The following SYT9 variants were observed in gnomAD, a reference collection of about 807,000 sequenced individuals.
SYT9 encodes synaptotagmin 9.
A neutral mutation model predicts 48.4 loss-of-function variants in SYT9; 22 were observed. The observed-to-expected ratio is 0.45, with a 90% CI of 0.32 to 0.65. The LOEUF (loss-of-function observed/expected upper bound fraction) is 0.65. Ranked by LOEUF, SYT9 falls within the 30% of genes least tolerant of loss-of-function variation. The probability of loss-of-function intolerance (pLI) is 0.03; values close to 1 mark genes in which losing one functional copy is unlikely to be tolerated. For missense variants in SYT9, 577 were observed against 622.0 expected (o/e 0.93, Z 0.77); for synonymous variants, 265 against 245.0 (o/e 1.08, Z -0.76).
At chr11:7,448,651 A>G (rs1395867704) in intron 6 of SYT9, among the ~76,000 whole-genome samples, 1 of 152,270 alleles carries the variant, frequency 6.6e-6, no homozygotes, top group Non-Finnish European at 1.5e-5. Flanking sequence ...TCTGTTTTCC[A>G]GACATACTGA....
At chr11:7,369,595 G>A (rs1409000088) in intron 3 of SYT9, among the ~76,000 whole-genome samples, 1 of 151,850 alleles carries the variant, frequency 6.6e-6, no homozygotes, top group Non-Finnish European at 1.5e-5. Flanking sequence ...TTTCTTCTGG[G>A]GTTTTTATGG....
chr11:7,391,735 T>TAA (rs71059104), intron 3 of SYT9, among the ~76,000 whole-genome samples: 880 of 35,928 alleles, frequency 0.024, 52 homozygotes, highest in East Asian at 0.066. Flanking sequence ...ACCCCATCTC[T>TAA]AAAAAAAAAA....
At chr11:7,380,176 G>T (rs747014606) in intron 3 of SYT9, among the ~76,000 whole-genome samples, 77 of 152,074 alleles carry the variant, frequency 5.1e-4, no homozygotes, top group Non-Finnish European at 1.5e-4. Flanking sequence ...TATGTTCAGT[G>T]AATTAAGCCA....
chr11:7,381,467 A>G (rs1171400543), intron 3 of SYT9, among the ~76,000 whole-genome samples: 1 of 152,210 alleles, frequency 6.6e-6, no homozygotes, highest in African/African-American at 2.4e-5. Context: ...GTCCTTGGCC[A>G]CTGCCCTGTG....
In SYT9 at chr11:7,313,785, T is replaced by C. The variant is rs1428626618; in HGVS notation, c.888T>C (p.Asn296=). 1 of 1,614,098 alleles carries C rather than the reference T, an allele frequency of 6.2e-7. No individual in the cohort carries two copies. The highest frequency in any genetic ancestry group is 2.2e-5 in the East Asian group (1 of 44,900). Residue 296 remains asparagine, a synonymous_variant, in exon 3 of 7, where the codon AAT becomes AAC. Coordinates refer to ENST00000318881, the MANE Select transcript of SYT9 (RefSeq NM_175733.4). ...TGTTTTTATTTCCGGTTCCCTACAA[T>C]GACCTTGAAGCACGGAAGCTTCACT... is the stretch of plus-strand genomic sequence containing the variant. ...DEVFLFPVPY[N]DLEARKLHFS... is the part of the protein sequence containing the mutation.
In SYT9 at chr11:7,252,633, T is replaced by C. The variant is rs1847894502; in HGVS notation, c.145+302T>C. 6.6e-6 allele frequency among the ~76,000 whole-genome samples: 1 copy of C among 152,170 alleles called. No homozygotes were observed. Among genetic ancestry groups the C allele is most frequent in the Non-Finnish European group, 1.5e-5 (1 of 68,026 alleles). ...TGGGGGCGGCTCCCTAGCTCCGAGC[T>C]ACGCTCTCCACTTCCCGGGCTATCT... On this transcript the variant is annotated intron_variant, in intron 1 of 6. Coordinates refer to ENST00000318881, the MANE Select transcript of SYT9 (RefSeq NM_175733.4). The surrounding 1 kb of genome is among the most constrained non-coding windows in gnomAD (Gnocchi z 6.3).
At chr11:7,348,806 A>T (rs1217936948) in intron 3 of SYT9, among the ~76,000 whole-genome samples, 1 of 145,346 alleles carries the variant, frequency 6.9e-6, no homozygotes, top group Non-Finnish European at 1.5e-5. Context: ...CTTAGATTTC[A>T]TATCCAGTCA....
In SYT9 at chr11:7,252,264, G is replaced by T; in HGVS notation, c.78G>T (p.Glu26Asp). The part of the protein sequence containing the change: ...LAELCARGAL[E>D]HDSCQDFIYH... ...AGCTCTGTGCCCGTGGGGCCCTGGA[G>T]CACGACAGCTGCCAGGATTTCATTT... Residue 26 changes from glutamate (E) to aspartate (D), a missense_variant, in exon 1 of 7, where the codon GAG (glutamate) becomes GAT (aspartate). Transcript: ENST00000318881. The surrounding 1 kb of genome is among the most constrained non-coding windows in gnomAD (Gnocchi z 6.3). 6.6e-7 allele frequency: 1 copy of T among 1,509,980 alleles called. No individual in the cohort carries two copies. Among genetic ancestry groups the T allele is most frequent in the South Asian group, 1.3e-5 (1 of 79,892 alleles). 93.5% of individuals were successfully genotyped at this position (1,509,980 alleles called of 1,614,324 possible). A position where few individuals can be genotyped will look rare whatever the true frequency, so the allele number is the denominator to read the frequency against.
At chr11:7,305,572 A>G (rs754743306) in intron 2 of SYT9, among the ~76,000 whole-genome samples, 3 of 152,220 alleles carry the variant, frequency 2.0e-5, no homozygotes, top group Non-Finnish European at 2.9e-5. Flanking sequence ...GCCTCAAAGC[A>G]TTTTTAACAT....
At chr11:7,385,114 G>C (rs944377024) in intron 3 of SYT9, among the ~76,000 whole-genome samples, 3 of 151,784 alleles carry the variant, frequency 2.0e-5, no homozygotes, top group African/African-American at 7.3e-5. Context: ...GTATACTTCT[G>C]TATATGTGTG....
chr11:7,247,961 C>T (rs1055678468), upstream of SYT9, among the ~76,000 whole-genome samples: 3 of 152,070 alleles, frequency 2.0e-5, no homozygotes, highest in Admixed American at 1.3e-4. Context: ...AGAATTGTTC[C>T]TTGTTCACTG....
intron 1 of SYT9, among the ~76,000 whole-genome samples, chr11:7,300,951 C>G (rs987273002): frequency 1.3e-5 from 2 of 152,192 alleles, no homozygotes; most frequent in East Asian, 1.9e-4. Flanking sequence ...ACTCCACTCC[C>G]TATCCCCCAT....
chr11:7,307,080 C>G (rs560609732), intron 2 of SYT9, among the ~76,000 whole-genome samples: 1 of 152,276 alleles, frequency 6.6e-6, no homozygotes, highest in South Asian at 2.1e-4. Flanking sequence ...GCCATTTGTC[C>G]CAGGTCTCAC....
intron 3 of SYT9, among the ~76,000 whole-genome samples, chr11:7,355,245 C>G (rs937846247): frequency 6.6e-6 from 1 of 152,146 alleles, no homozygotes; most frequent in Non-Finnish European, 1.5e-5. Context: ...CACAGGTGTG[C>G]CACTAATGAC....
At chr11:7,408,555 G>A (rs978268089) in intron 3 of SYT9, among the ~76,000 whole-genome samples, 3 of 152,120 alleles carry the variant, frequency 2.0e-5, no homozygotes, top group African/African-American at 7.2e-5. Context: ...ATCTTTCAAC[G>A]CCTTAGTTAA....
rs145927982 is a variant in SYT9, at chr11:7,382,281, C to A, written c.1045-33761C>A. Among the ~76,000 whole-genome samples, 192 of 152,132 alleles carry A rather than the reference C, an allele frequency of 1.3e-3. 1 individual carries two copies. The East Asian group carries it at 0.033, about 26-fold the overall frequency. ...GGTGGTATCTTAAGATAGGGTAGCACTATGGAAAAGGAGAAAATTGGACAA... is the reference window on the plus strand; with the variant it reads ...GGTGGTATCTTAAGATAGGGTAGCAATATGGAAAAGGAGAAAATTGGACAA... On this transcript the variant is annotated intron_variant, in intron 3 of 6. Transcript: ENST00000318881.
intron 1 of SYT9, among the ~76,000 whole-genome samples, chr11:7,241,572 T>C (rs947991766): frequency 6.6e-6 from 1 of 152,114 alleles, no homozygotes; most frequent in Non-Finnish European, 1.5e-5. Context: ...AAAAAGCCAG[T>C]TGGAAGGATT....
intron 3 of SYT9, among the ~76,000 whole-genome samples, chr11:7,326,683 A>T (rs1160148093): frequency 9.4e-5 from 12 of 128,220 alleles, no homozygotes; most frequent in African/African-American, 3.6e-4. Flanking sequence ...CTACAAGGCT[A>T]CAGTAACCAA....
chr11:7,393,408 T>A (rs901301013), intron 3 of SYT9, among the ~76,000 whole-genome samples: 5 of 152,124 alleles, frequency 3.3e-5, no homozygotes, highest in African/African-American at 1.2e-4. Context: ...ATCACATTTA[T>A]TCATTTGCAT....
Sources: allele counts gnomAD v4.1 joint callset (sites outside exome capture counted in the v4.1 genomes callset), GRCh38; gene constraint gnomAD v4.1.1; non-coding constraint Gnocchi (gnomAD v3.1); transcripts MANE v1.5; gene names NCBI Gene and HGNC (gene_info 2026-07-23, HGNC 2026-07-21).